Variants in CBFA2T2 observed in about 807,000 individuals in gnomAD.
CBFA2T2 encodes protein CBFA2T2.
In CBFA2T2, 11 loss-of-function variants were observed where a neutral mutation model predicts 62.2. That is an observed-to-expected ratio of 0.18 (90% CI 0.11 to 0.29). The LOEUF (loss-of-function observed/expected upper bound fraction) is 0.29. Among genes scored for constraint, CBFA2T2 ranks in the 10% least tolerant of loss-of-function variants. The pLI, the probability that CBFA2T2 is intolerant of heterozygous loss-of-function variation, is 1.00. For synonymous variants in CBFA2T2, 295 were observed against 287.5 expected (o/e 1.03, Z -0.27); for missense variants, 592 against 774.1 (o/e 0.76, Z 2.79).
At chr20:33,553,383 C>T (rs1201823903) in intron 1 of CBFA2T2, among the ~76,000 whole-genome samples, 10 of 152,176 alleles carry the variant, frequency 6.6e-5, no homozygotes, top group African/African-American at 1.9e-4. Flanking sequence ...CACGCCACTA[C>T]GCCTGGCTAA....
At chr20:33,537,314 G>A (rs373564669) in intron 1 of CBFA2T2, among the ~76,000 whole-genome samples, 47 of 152,224 alleles carry the variant, frequency 3.1e-4, no homozygotes, top group East Asian at 5.8e-4. Flanking sequence ...GCGAAACCCC[G>A]TCTCCACCAA....
chr20:33,517,691 T>G (rs1353972638), intron 1 of CBFA2T2, among the ~76,000 whole-genome samples: 3 of 3,048 alleles, frequency 9.8e-4, no homozygotes, highest in East Asian at 0.071. Flanking sequence ...TATTTTGCCT[T>G]TTTTTTTTTT....
chr20:33,522,738 G>T (rs2011767041), intron 1 of CBFA2T2, among the ~76,000 whole-genome samples: 1 of 152,122 alleles, frequency 6.6e-6, no homozygotes, highest in African/African-American at 2.4e-5. Context: ...GTGAGACCCT[G>T]TCTCACAAAA....
At chr20:33,598,393 C>T (rs2014979469) in intron 1 of CBFA2T2, among the ~76,000 whole-genome samples, 1 of 152,124 alleles carries the variant, frequency 6.6e-6, no homozygotes, top group Non-Finnish European at 1.5e-5. Context: ...ATTCTCTTTC[C>T]CAGGGATGTT....
Position 33,629,701 on chromosome 20 carries a change from G to C in CBFA2T2, c.1033-18G>C, listed in dbSNP as rs1212421540. 5 of 1,604,742 alleles carry C rather than the reference G, an allele frequency of 3.1e-6. No individual in the cohort carries two copies. In the Admixed American group the frequency reaches 6.8e-5, roughly 22 times the overall value. ...AATGTTCTTATCTCATCTCTGCCTG[G>C]CCCCCTCTGTGACTCAGGCGCTGAA... On this transcript the variant is annotated intron_variant, in intron 7 of 10. Coordinates refer to ENST00000342704, the MANE Select transcript of CBFA2T2 (RefSeq NM_001032999.3).
intron 5 of CBFA2T2, 64 bp downstream of exon 5, chr20:33,623,360 TAA>T: frequency 1.3e-6 from 2 of 1,566,808 alleles, no homozygotes; most frequent in South Asian, 1.1e-5. Flanking sequence ...CCTTTGCTTA[TAA>T]AAGAGAGAGA....
chr20:33,634,739 G>C (rs1458129403), intron 8 of CBFA2T2, among the ~76,000 whole-genome samples: 1 of 148,212 alleles, frequency 6.7e-6, no homozygotes, highest in East Asian at 2.0e-4. Flanking sequence ...AAGCAGGCAA[G>C]TTTGGGAAAA....
At chr20:33,590,912 C>A (rs118031419) in intron 1 of CBFA2T2, among the ~76,000 whole-genome samples, 66 of 152,146 alleles carry the variant, frequency 4.3e-4, no homozygotes, top group Middle Eastern at 3.4e-3. Context: ...CAGTGGCTCT[C>A]GCTTGTAATC....
intron 8 of CBFA2T2, among the ~76,000 whole-genome samples, chr20:33,633,370 CAAAA>C (rs200773570): frequency 0.014 from 1,592 of 116,440 alleles, 10 homozygotes; most frequent in South Asian, 0.049. Context: ...GACTCTGTCG[CAAAA>C]AAAAAATAAA....
chr20:33,500,737 A>C (rs972267868), intron 1 of CBFA2T2, among the ~76,000 whole-genome samples: 1 of 152,146 alleles, frequency 6.6e-6, no homozygotes, highest in South Asian at 2.1e-4. Context: ...TTAAAAATTT[A>C]AAAAAGTCCA....
At position 33,513,578 on chromosome 20, in the gene CBFA2T2, G is replaced by T. The variant is rs562154834; in HGVS notation, c.34+23277G>T. On this transcript the variant is annotated intron_variant, in intron 1 of 10. Coordinates refer to ENST00000342704, the MANE Select transcript of CBFA2T2 (RefSeq NM_001032999.3). Reference sequence around the variant, plus strand: ...GGGTTTCACCATGTTGGCCAGGCAGGTCTCGAACTCTTGACCTTGTGATCC... The same window carrying T: ...GGGTTTCACCATGTTGGCCAGGCAGTTCTCGAACTCTTGACCTTGTGATCC... Among the ~76,000 whole-genome samples, 125 of 151,748 alleles carry T rather than the reference G, an allele frequency of 8.2e-4. 1 individual carries two copies. Among genetic ancestry groups the T allele is most frequent in the African/African-American group, 2.9e-3 (120 of 41,490 alleles).
At position 33,492,541 on chromosome 20, in the gene CBFA2T2, GTCTC is replaced by G. The variant is rs375066694; in HGVS notation, c.34+2246_34+2249del. Among the ~76,000 whole-genome samples the G allele has an allele frequency of 5.2e-3, 783 of 151,718 alleles. 8 individuals are homozygous for G. Among genetic ancestry groups the G allele is most frequent in the African/African-American group, 0.018 (754 of 41,388 alleles). ...TTTCTTTTTTCCTTTTTTTGAGACA[GTCTC>G]TCTCTGTCACCCAGACTGGAGTGCA... On this transcript the variant is annotated intron_variant, in intron 1 of 10. Transcript: ENST00000342704.
Position 33,644,628 on chromosome 20 carries a change from C to T in CBFA2T2, c.1770C>T (p.Ile590=), listed in dbSNP as rs761055163. ...RSSTPASVTA[I]DTNGL is the part of the protein sequence containing the mutation. The stretch of plus-strand genomic sequence containing the variant: ...CAACACCTGCTTCTGTGACAGCTAT[C>T]GACACCAACGGACTCTGAGCCCCGG... Residue 590 remains isoleucine (I), a synonymous_variant, in exon 11 of 11, where the codon ATC becomes ATT. Transcript: ENST00000342704. 10 of 1,606,928 alleles carry T rather than the reference C, an allele frequency of 6.2e-6. No homozygotes were observed. The highest frequency in any genetic ancestry group is 1.7e-4 in the Middle Eastern group (1 of 6,030).
chr20:33,494,859 A>G (rs1196545560), intron 1 of CBFA2T2, among the ~76,000 whole-genome samples: 1 of 151,830 alleles, frequency 6.6e-6, no homozygotes, highest in Admixed American at 6.6e-5. Context: ...CAGCCTCCCA[A>G]AGTGTTGGGA....
intron 1 of CBFA2T2, among the ~76,000 whole-genome samples, chr20:33,583,217 T>A (rs976217438): frequency 1.3e-5 from 2 of 152,220 alleles, no homozygotes; most frequent in Admixed American, 6.5e-5. Flanking sequence ...TGTGTTACCA[T>A]CTAACTATCC....
intron 1 of CBFA2T2, among the ~76,000 whole-genome samples, chr20:33,511,789 C>T (rs2011516259): frequency 6.6e-6 from 1 of 151,920 alleles, no homozygotes; most frequent in Non-Finnish European, 1.5e-5. Context: ...GAGGCTGAGG[C>T]AGGAAGATCA....
intron 1 of CBFA2T2, among the ~76,000 whole-genome samples, chr20:33,497,274 C>CAAAAA (rs34528525): frequency 8.8e-4 from 51 of 57,862 alleles, no homozygotes; most frequent in East Asian, 3.6e-3. Context: ...ACCCTGTCTC[C>CAAAAA]AAAAAAAAAA....
intron 1 of CBFA2T2, among the ~76,000 whole-genome samples, chr20:33,536,164 C>T (rs1029265244): frequency 6.6e-6 from 1 of 152,258 alleles, no homozygotes; most frequent in Admixed American, 6.5e-5. Flanking sequence ...CATCCCGGCC[C>T]ATTCTCAATG....
chr20:33,624,855 CCTG>C lies in CBFA2T2; in HGVS notation c.787_789del (p.Ala263del). On this transcript the variant is annotated inframe_deletion, in exon 6 of 11. Coordinates refer to ENST00000342704, the MANE Select transcript of CBFA2T2 (RefSeq NM_001032999.3). ...CATCAGCCCTGCTCCTCGGCACAGTCCTGCTCTCACTGTGCCCCTCATGAATCC... is the reference window on the plus strand; with the variant it reads ...CATCAGCCCTGCTCCTCGGCACAGTCCTCTCACTGTGCCCCTCATGAATCC... The C allele has an allele frequency of 6.2e-7, 1 of 1,614,130 alleles. No individual in the cohort carries two copies.
Sources: gnomAD v4.1 joint callset for allele counts (sites outside exome capture counted in the v4.1 genomes callset) on GRCh38, gnomAD v4.1.1 for gene constraint, MANE v1.5 for transcripts, NCBI Gene and HGNC (gene_info 2026-07-23, HGNC 2026-07-21) for gene names.